The following ATP2C1 variants were observed in gnomAD, a reference collection of about 807,000 sequenced individuals.
The protein encoded by ATP2C1 is calcium-transporting ATPase type 2C member 1.
ATP2C1 carries 31 observed loss-of-function variants against 120.5 expected under a neutral mutation model. The ratio of observed to expected loss-of-function variants is 0.26; its 90% confidence interval spans 0.19 to 0.35. The LOEUF (loss-of-function observed/expected upper bound fraction) is 0.35. Ranked by LOEUF, ATP2C1 falls within the 10% of genes least tolerant of loss-of-function variation. The pLI is 1.00. For synonymous variants in ATP2C1, 351 were observed against 358.7 expected (o/e 0.98, Z 0.24); for missense variants, 731 against 1,107.5 (o/e 0.66, Z 4.83).
At chr3:131,015,181 C>T (rs1237682128) in intron 26 of ATP2C1, 2 of 701,358 alleles carry the variant, frequency 2.9e-6, no homozygotes, top group Non-Finnish European at 5.2e-6. Context: ...AGGCTTTTTA[C>T]CTTGAAACAT....
At chr3:130,925,070 T>G (rs1199772872) in intron 2 of ATP2C1, among the ~76,000 whole-genome samples, 1 of 152,218 alleles carries the variant, frequency 6.6e-6, no homozygotes, top group Non-Finnish European at 1.5e-5. Flanking sequence ...ATTCTTTTTC[T>G]GGCAATTCAG....
chr3:130,984,247 A>T (rs1206943554), intron 20 of ATP2C1, among the ~76,000 whole-genome samples: 3 of 151,956 alleles, frequency 2.0e-5, no homozygotes, highest in African/African-American at 7.3e-5. Context: ...ATATTATTGA[A>T]CCTAAGATGT....
At chr3:130,897,867 C>T (rs999903619) in intron 2 of ATP2C1, among the ~76,000 whole-genome samples, 5 of 152,090 alleles carry the variant, frequency 3.3e-5, no homozygotes, top group South Asian at 2.1e-4. Flanking sequence ...AACATTCAGT[C>T]GTGAGTTAGG....
At chr3:130,985,658 C>CCAAA (rs1553777380) in intron 20 of ATP2C1, among the ~76,000 whole-genome samples, 2 of 132,046 alleles carry the variant, frequency 1.5e-5, no homozygotes, top group Admixed American at 7.7e-5. Context: ...CCCGCCCCAC[C>CCAAA]AAAAAAAAAA....
intron 18 of ATP2C1, among the ~76,000 whole-genome samples, chr3:130,978,986 G>C (rs990415181): frequency 7.9e-5 from 12 of 152,118 alleles, no homozygotes; most frequent in African/African-American, 2.7e-4. Context: ...TGAAAATATT[G>C]TTCATTTTCT....
intron 20 of ATP2C1, among the ~76,000 whole-genome samples, chr3:130,990,669 A>G (rs551391429): frequency 6.6e-4 from 101 of 152,314 alleles, no homozygotes; most frequent in Admixed American, 1.1e-3. Flanking sequence ...CTGTGTTGCA[A>G]ATTGACTGCA....
chr3:130,991,474 C>A (rs560014930), intron 20 of ATP2C1, among the ~76,000 whole-genome samples: 1 of 152,010 alleles, frequency 6.6e-6, no homozygotes, highest in South Asian at 2.1e-4. Context: ...AAATCCTCCC[C>A]GTTCCTATAT....
chr3:131,014,280 TA>T, intron 26 of ATP2C1: 1 of 1,614,092 alleles, frequency 6.2e-7, no homozygotes, highest in Non-Finnish European at 8.5e-7. Flanking sequence ...ATTGAATAGA[TA>T]TTCATAAAGT....
chr3:131,014,412 G>A lies in ATP2C1; in HGVS notation c.2630-1740G>A, dbSNP rs369718268. On this transcript the variant is annotated intron_variant, in intron 26 of 26. Coordinates refer to the ATP2C1 transcript ENST00000328560. ...TCTGTTCAAAGCAAGAAAAAAGTATGTTGTTAAAGAAGTAATTCAGTGCAA... is the reference window on the plus strand; with the variant it reads ...TCTGTTCAAAGCAAGAAAAAAGTATATTGTTAAAGAAGTAATTCAGTGCAA... 205 of 1,538,250 alleles carry A rather than the reference G, an allele frequency of 1.3e-4. No homozygotes were observed. In the African/African-American group the frequency reaches 2.4e-3, roughly 18 times the overall value.
chr3:130,979,468 C>T lies in ATP2C1; in HGVS notation c.1741+49C>T, dbSNP rs189253492. On this transcript the variant is annotated intron_variant, in intron 19 of 27. Coordinates refer to ENST00000510168, the MANE Select transcript of ATP2C1 (RefSeq NM_001378687.1). The stretch of plus-strand genomic sequence containing the variant: ...GTTTTCGATAGTTTTTCTTAAAATA[C>T]TGTGGTGCATAATTTTGTGAACTAT... 41 of 1,566,164 alleles carry T rather than the reference C, an allele frequency of 2.6e-5. No individual in the cohort carries two copies. In the East Asian group the frequency reaches 9.2e-4, roughly 35 times the overall value.
At chr3:130,963,658 T>C in intron 12 of ATP2C1, 1 of 334,126 alleles carries the variant, frequency 3.0e-6, no homozygotes, top group South Asian at 3.0e-5. Flanking sequence ...CTGTATTTTA[T>C]AGATGAGGAC....
At chr3:130,923,600 G>A (rs1338415638) in intron 2 of ATP2C1, among the ~76,000 whole-genome samples, 1 of 151,940 alleles carries the variant, frequency 6.6e-6, no homozygotes, top group Non-Finnish European at 1.5e-5. Context: ...GGAAGTGGTG[G>A]CTCACACCTG....
intron 2 of ATP2C1, among the ~76,000 whole-genome samples, chr3:130,926,279 A>G (rs1330583942): frequency 6.6e-6 from 1 of 152,166 alleles, no homozygotes; most frequent in Admixed American, 6.5e-5. Context: ...CACCATCTTA[A>G]TTTGAGCATC....
intron 26 of ATP2C1, among the ~76,000 whole-genome samples, chr3:130,998,680 A>T (rs540836358): frequency 1.1e-4 from 16 of 152,332 alleles, no homozygotes; most frequent in Admixed American, 9.8e-4. Flanking sequence ...GGTTAACATT[A>T]TTTGAGCATA....
intron 1 of ATP2C1, among the ~76,000 whole-genome samples, chr3:130,861,796 C>T (rs1170070609): frequency 6.6e-6 from 1 of 152,068 alleles, no homozygotes; most frequent in Non-Finnish European, 1.5e-5. Context: ...GAAATCACAA[C>T]AAATTACAAA....
At chr3:131,010,187 CTTTTTTTTTTT>C (rs35503162) in intron 26 of ATP2C1, among the ~76,000 whole-genome samples, 1 of 88,024 alleles carries the variant, frequency 1.1e-5, no homozygotes, top group South Asian at 4.0e-4. Context: ...CTTTTTCTAT[CTTTTTTTTTTT>C]TTTTTTTTTT....
In ATP2C1 at chr3:130,867,217, C is replaced by A. The variant is rs139974114; in HGVS notation, c.108+16289C>A. Among the ~76,000 whole-genome samples, 219 of 152,210 alleles carry A rather than the reference C, an allele frequency of 1.4e-3. 4 individuals are homozygous for A. The East Asian group carries it at 0.02, about 14-fold the overall frequency. On this transcript the variant is annotated intron_variant, in intron 1 of 26. Coordinates refer to the ATP2C1 transcript ENST00000504381. ...AGTACTGAAAGTAGTCCAATAATAA[C>A]CCTACAATGGCCTGTAAATGTTCCA... is the stretch of plus-strand genomic sequence containing the variant.
rs994568279 is a variant in ATP2C1, at chr3:130,927,385, C to T, written c.7-3031C>T. On this transcript the variant is annotated intron_variant, in intron 2 of 27. Transcript: ENST00000510168. ...CTTCCTGAGTAGCTGTGACTACCGG[C>T]GCCTGCCACCATGCCTGGCTAATTT... 7.9e-5 allele frequency among the ~76,000 whole-genome samples: 12 copies of T among 151,968 alleles called. No individual in the cohort carries two copies. The East Asian group carries it at 2.1e-3, about 27-fold the overall frequency.
intron 24 of ATP2C1, 98 bp from the exon 25 acceptor site, chr3:130,997,508 A>G (rs553066311): frequency 1.8e-6 from 2 of 1,142,628 alleles, no homozygotes; most frequent in East Asian, 2.4e-5. Context: ...ATAAGAAAGC[A>G]TTTAGTTTGC....
Sources: allele counts gnomAD v4.1 joint callset (sites outside exome capture counted in the v4.1 genomes callset), GRCh38; gene constraint gnomAD v4.1.1; transcripts MANE v1.5; gene names NCBI Gene and HGNC (gene_info 2026-07-23, HGNC 2026-07-21).